Variants in SEM1 observed in about 807,000 individuals in gnomAD.
SEM1 encodes 26S proteasome complex subunit SEM1.
In SEM1, 3 loss-of-function variants were observed where a neutral mutation model predicts 12.7. That is an observed-to-expected ratio of 0.24 (90% CI 0.11 to 0.61). SEM1 has a LOEUF of 0.61. SEM1 is among the 20% of genes least tolerant of loss of function. The pLI is 0.88. For synonymous variants in SEM1, 30 were observed against 27.8 expected (o/e 1.08, Z -0.25); for missense variants, 59 against 81.3 (o/e 0.73, Z 1.06).
In SEM1 at chr7:96,573,592, G is replaced by GC. The variant is rs552410206; in HGVS notation, c.171-66895dup. ...TTTTCTTTAAGAATGTTGAATATTG[G>GC]CCCCCCTCTCTTCTACCTTTTAGGG... On this transcript the variant is annotated intron_variant and NMD_transcript_variant, in intron 2 of 3. Coordinates refer to the SEM1 transcript ENST00000466986. Among the ~76,000 whole-genome samples, 721 of 152,182 alleles carry GC rather than the reference G, an allele frequency of 4.7e-3. 4 individuals are homozygous for GC. The highest frequency in any genetic ancestry group is 0.027 in the Middle Eastern group (8 of 294).
chr7:96,702,293 C>T (rs192587250), intron 1 of SEM1, among the ~76,000 whole-genome samples: 105 of 152,244 alleles, frequency 6.9e-4, no homozygotes, highest in African/African-American at 2.4e-3. Context: ...GTTCCTTCCA[C>T]TTAGAGGGTC....
chr7:96,585,996 T>A (rs1260747637), intron 2 of SEM1, among the ~76,000 whole-genome samples: 1 of 152,202 alleles, frequency 6.6e-6, no homozygotes, highest in African/African-American at 2.4e-5. Flanking sequence ...TTTTTAAAAT[T>A]ATTTCAGTTT....
chr7:96,705,724 G>A (rs1290997005), intron 1 of SEM1, among the ~76,000 whole-genome samples: 1 of 151,832 alleles, frequency 6.6e-6, no homozygotes, highest in Non-Finnish European at 1.5e-5. Context: ...GGAGGCTGAG[G>A]CAGGAGAATG....
At chr7:96,510,681 C>T (rs1375215128) in intron 2 of SEM1, among the ~76,000 whole-genome samples, 1 of 151,952 alleles carries the variant, frequency 6.6e-6, no homozygotes, top group Non-Finnish European at 1.5e-5. Flanking sequence ...ACATAGCATG[C>T]CAATATCAGG....
chr7:96,584,494 C>A (rs1308192853), intron 2 of SEM1, among the ~76,000 whole-genome samples: 1 of 152,050 alleles, frequency 6.6e-6, no homozygotes, highest in Non-Finnish European at 1.5e-5. Context: ...CTCTCTATTT[C>A]CTGAATCTGA....
intron 2 of SEM1, among the ~76,000 whole-genome samples, chr7:96,521,590 G>A (rs566431229): frequency 6.6e-6 from 1 of 152,026 alleles, no homozygotes; most frequent in Admixed American, 6.6e-5. Flanking sequence ...CACACAACTC[G>A]GCACGGTATT....
At chr7:96,610,256 T>C (rs62470363) in intron 2 of SEM1, among the ~76,000 whole-genome samples, 1 of 152,070 alleles carries the variant, frequency 6.6e-6, no homozygotes, top group Non-Finnish European at 1.5e-5. Context: ...CATGCCACCA[T>C]GCCCAGCTAA....
intron 2 of SEM1, chr7:96,653,801 C>A (rs1809083339): frequency 6.6e-6 from 1 of 152,220 alleles, no homozygotes; most frequent in Admixed American, 6.5e-5. Context: ...GGAATGCAAG[C>A]CATCCTCCAC....
At chr7:96,631,762 C>T (rs1017681740) in intron 2 of SEM1, among the ~76,000 whole-genome samples, 1 of 152,064 alleles carries the variant, frequency 6.6e-6, no homozygotes, top group Non-Finnish European at 1.5e-5. Flanking sequence ...TCAGAGTGAA[C>T]AGGCAACCTA....
chr7:96,615,550 C>T (rs193193792), intron 2 of SEM1, among the ~76,000 whole-genome samples: 159 of 152,274 alleles, frequency 1.0e-3, no homozygotes, highest in African/African-American at 3.7e-3. Context: ...CCACCACACC[C>T]AGCCCAACTC....
At chr7:96,642,754 T>C (rs1808654615) in intron 2 of SEM1, among the ~76,000 whole-genome samples, 1 of 151,942 alleles carries the variant, frequency 6.6e-6, no homozygotes, top group Non-Finnish European at 1.5e-5. Context: ...CCATTTTTTT[T>C]TCATTTTTAC....
At chr7:96,680,948 C>T (rs564186643) in intron 2 of SEM1, among the ~76,000 whole-genome samples, 2 of 151,928 alleles carry the variant, frequency 1.3e-5, no homozygotes, top group Non-Finnish European at 2.9e-5. Context: ...TTTAGGAGGT[C>T]GTGTTGTAGA....
chr7:96,621,392 C>A (rs964655832), downstream of SEM1, among the ~76,000 whole-genome samples: 5 of 152,088 alleles, frequency 3.3e-5, no homozygotes, highest in Admixed American at 2.0e-4. Flanking sequence ...TACCTTTGTT[C>A]AATCTTTCCT....
intron 2 of SEM1, among the ~76,000 whole-genome samples, chr7:96,523,783 C>T (rs923268925): frequency 4.6e-5 from 7 of 152,126 alleles, no homozygotes; most frequent in African/African-American, 1.7e-4. Context: ...CTCAACTACC[C>T]TCTGATGTAG....
chr7:96,650,585 C>T, intron 2 of SEM1: 1 of 709,634 alleles, frequency 1.4e-6, no homozygotes, highest in Admixed American at 2.0e-5. Context: ...ATAACAACAA[C>T]AACACTGTAG....
intron 2 of SEM1, among the ~76,000 whole-genome samples, chr7:96,516,682 T>C (rs1804105367): frequency 6.6e-6 from 1 of 152,150 alleles, no homozygotes. Context: ...AATGCTTTCT[T>C]ACAAAACTAA....
At chr7:96,697,006 A>T (rs1790117724) in intron 1 of SEM1, 1 of 151,976 alleles carries the variant, frequency 6.6e-6, no homozygotes, top group African/African-American at 2.4e-5. Flanking sequence ...TACCCATGAT[A>T]TCTGATATAC....
At chr7:96,485,096 G>A (rs994020297) in intron 2 of SEM1, among the ~76,000 whole-genome samples, 5 of 152,162 alleles carry the variant, frequency 3.3e-5, no homozygotes, top group Admixed American at 6.5e-5. Context: ...AATACACAGC[G>A]AAGTAAATGT....
intron 2 of SEM1, among the ~76,000 whole-genome samples, chr7:96,590,871 G>A (rs1806808085): frequency 6.6e-6 from 1 of 152,096 alleles, no homozygotes; most frequent in Non-Finnish European, 1.5e-5. Context: ...CAGAGGGAGG[G>A]TCGGGGTTAC....
Sources: allele counts gnomAD v4.1 joint callset (sites outside exome capture counted in the v4.1 genomes callset), GRCh38; gene constraint gnomAD v4.1.1; transcripts MANE v1.5; gene names NCBI Gene and HGNC (gene_info 2026-07-23, HGNC 2026-07-21).